SP3: variants seen among roughly 807,000 people sequenced by gnomAD.
SP3 encodes Sp3 transcription factor, also known as transcription factor Sp3.
Under a neutral mutation model 70.3 loss-of-function variants are expected in SP3, and 10 were observed. That is an observed-to-expected ratio of 0.14 (90% CI 0.09 to 0.24). The LOEUF (loss-of-function observed/expected upper bound fraction) is 0.24. Ranked by LOEUF, SP3 falls within the 10% of genes least tolerant of loss-of-function variation. The pLI is 1.00. For missense variants in SP3, 825 were observed against 914.6 expected (o/e 0.90, Z 1.26); for synonymous variants, 402 against 333.5 (o/e 1.21, Z -2.24).
chr2:173,926,967 G>A (rs566510271), intron 4 of SP3, among the ~76,000 whole-genome samples: 25 of 152,212 alleles, frequency 1.6e-4, no homozygotes, highest in Middle Eastern at 3.4e-3. Flanking sequence ...TGTATAGGAA[G>A]CATGATTCTG....
At position 173,905,586 on chromosome 2, in the gene SP3, AATC is replaced by A. The variant is rs1406864184; in HGVS notation, c.*4352_*4354del. ...GTATTTAATACAATGAAGTGGCATGAATCATGTTACATGACAATATACATGACA... is the reference window on the plus strand; with the variant it reads ...GTATTTAATACAATGAAGTGGCATGAATGTTACATGACAATATACATGACA... On this transcript the variant is annotated 3_prime_UTR_variant, in exon 7 of 7. Coordinates refer to ENST00000310015, the MANE Select transcript of SP3 (RefSeq NM_003111.5). Among the ~76,000 whole-genome samples the A allele has an allele frequency of 1.3e-5, 2 of 152,144 alleles. No individual in the cohort carries two copies. The highest frequency in any genetic ancestry group is 4.8e-5 in the African/African-American group (2 of 41,456).
rs778413257 is a variant in SP3 at position 173,955,771 on chromosome 2, A to G, written c.741T>C (p.Pro247=). Reference sequence around the variant, plus strand: ...CATTAGCAACTACTTGGGTTTGACCAGGAAAAGATGAACCACCAATTGCAA... The same window carrying G: ...CATTAGCAACTACTTGGGTTTGACCGGGAAAAGATGAACCACCAATTGCAA... ...QGVAIGGSSF[P]GQTQVVANVP... The change falls in exon 4 of 7, where the codon CCT becomes CCC. Residue 247 remains proline (P), a synonymous_variant. Transcript: ENST00000310015. The G allele has an allele frequency of 1.9e-6, 3 of 1,614,248 alleles. No individual in the cohort carries two copies. Among genetic ancestry groups the G allele is most frequent in the Middle Eastern group, 1.7e-4 (1 of 6,060 alleles).
rs376137738 is a variant in SP3 at position 173,904,918 on chromosome 2, T to C, written c.*5023A>G. Among the ~76,000 whole-genome samples the C allele has an allele frequency of 8.5e-5, 13 of 152,342 alleles. No homozygotes were observed. Among genetic ancestry groups the C allele is most frequent in the African/African-American group, 3.1e-4 (13 of 41,582 alleles). ...GGCCTTTCCTAATCTTAAAAACCAC[T>C]TCAGTGCTAGACTTTATCTTTCAGT... On this transcript the variant is annotated 3_prime_UTR_variant, in exon 7 of 7. Coordinates refer to ENST00000310015, the MANE Select transcript of SP3 (RefSeq NM_003111.5).
Position 173,918,735 on chromosome 2 carries a change from C to T in SP3, c.1690G>A (p.Gly564Ser). 1 of 1,613,418 alleles carries T rather than the reference C, an allele frequency of 6.2e-7. No individual in the cohort carries two copies. The highest frequency in any genetic ancestry group is 8.5e-7 in the Non-Finnish European group (1 of 1,179,636). Residue 564 changes from glycine to serine, a missense_variant, in exon 5 of 7, where the codon GGT becomes AGT. Physicochemically the swap from Gly to Ser is moderately conservative, Grantham distance 56. Around this residue, in one of 4 missense-constraint regions of SP3, gnomAD observed 678 missense variants for 651.6 expected, o/e 1.04. Transcript: ENST00000310015. The part of the protein sequence containing the change: ...EPDPEEWQLS[G>S]DSTLNTNDLT... ...TCATTGGTATTCAAGGTAGAATCAC[C>T]ACTGAGCTGCCACTCTTCAGGATCA...
chr2:173,910,220 G>A lies in SP3; in HGVS notation c.2067C>T (p.Arg689=), dbSNP rs201170496. 762 of 1,613,906 alleles carry A rather than the reference G, an allele frequency of 4.7e-4. No homozygotes were observed. Among genetic ancestry groups the A allele is most frequent in the Non-Finnish European group, 6.2e-4 (730 of 1,179,872 alleles). Residue 689 remains arginine (R), a synonymous_variant, in exon 7 of 7, where the codon CGC becomes CGT. Coordinates refer to ENST00000310015, the MANE Select transcript of SP3 (RefSeq NM_003111.5). ...KKFVCPECSK[R]FMRSDHLAKH... is the part of the protein sequence containing the mutation. ...TGGCAAGGTGGTCACTTCTCATAAAGCGTTTTGAACATTCTGGACAAACAA... is the reference window on the plus strand; with the variant it reads ...TGGCAAGGTGGTCACTTCTCATAAAACGTTTTGAACATTCTGGACAAACAA...
rs1469214423 is a variant in SP3, at chr2:173,903,125, A to AGT, written c.*6815_*6816insAC. On this transcript the variant is annotated 3_prime_UTR_variant, in exon 7 of 7. Coordinates refer to ENST00000310015, the MANE Select transcript of SP3 (RefSeq NM_003111.5). ...GTGACTTAACAAGGTGAATTAACTC[A>AGT]TTAATACAACAATAGTTGAAGACAA... 5.3e-5 allele frequency among the ~76,000 whole-genome samples: 8 copies of AGT among 152,374 alleles called. No homozygotes were observed. The highest frequency in any genetic ancestry group is 1.9e-4 in the African/African-American group (8 of 41,596).
intron 4 of SP3, among the ~76,000 whole-genome samples, chr2:173,932,009 C>T (rs1242759641): frequency 6.6e-6 from 1 of 152,194 alleles, no homozygotes; most frequent in Non-Finnish European, 1.5e-5. Flanking sequence ...AAGAACTTTT[C>T]CTTTGCATTC....
rs994126551 is a variant in SP3, at chr2:173,905,958, C to T, written c.*3983G>A. Among the ~76,000 whole-genome samples the T allele has an allele frequency of 6.6e-6, 1 of 152,122 alleles. No individual in the cohort carries two copies. Among genetic ancestry groups the T allele is most frequent in the Non-Finnish European group, 1.5e-5 (1 of 68,032 alleles). ...GAGTCTGCAGTAAGCCATGATTGCA[C>T]CACTGCACTGTGTGACAGAGACAGA... On this transcript the variant is annotated 3_prime_UTR_variant, in exon 7 of 7. Coordinates refer to ENST00000310015, the MANE Select transcript of SP3 (RefSeq NM_003111.5).
chr2:173,964,746 C>G, intron 1 of SP3, 193 bp from the exon 2 acceptor site: 1 of 417,692 alleles, frequency 2.4e-6, no homozygotes. Flanking sequence ...CCCGCCGCTG[C>G]CTGTAACCCT....
intron 4 of SP3, among the ~76,000 whole-genome samples, chr2:173,919,700 G>C (rs550352485): frequency 4.9e-4 from 75 of 152,258 alleles, no homozygotes; most frequent in African/African-American, 1.8e-3. Context: ...TTTTAAAACA[G>C]ACCGTACAGA....
chr2:173,954,845 T>C lies in SP3; in HGVS notation c.1639+28A>G, dbSNP rs779037195. The C allele has an allele frequency of 3.1e-6, 5 of 1,595,542 alleles. No individual in the cohort carries two copies. The South Asian group carries it at 3.3e-5, about 11-fold the overall frequency. On this transcript the variant is annotated intron_variant, in intron 4 of 6. Transcript: ENST00000310015. The stretch of plus-strand genomic sequence containing the variant: ...CTCTATGTATTATCACTGAACTTAT[T>C]TATGGCATGACATAACTTAAGACTC...
At chr2:173,936,628 TATAATCTAAA>T (rs1439846796) in intron 4 of SP3, among the ~76,000 whole-genome samples, 2 of 152,204 alleles carry the variant, frequency 1.3e-5, no homozygotes, top group Non-Finnish European at 2.9e-5. Flanking sequence ...AATACAGATG[TATAATCTAAA>T]AAAGAAAAAA....
intron 6 of SP3, 89 bp from the exon 7 acceptor site, chr2:173,910,346 C>T (rs1456055826): frequency 9.1e-7 from 1 of 1,100,954 alleles, no homozygotes; most frequent in Non-Finnish European, 1.3e-6. Flanking sequence ...TAAGTCAACG[C>T]TGACAGGTGA....
chr2:173,962,728 G>T (rs1019945120), intron 3 of SP3, among the ~76,000 whole-genome samples: 8 of 151,696 alleles, frequency 5.3e-5, no homozygotes, highest in Non-Finnish European at 8.8e-5. Context: ...AGTGACTATT[G>T]AAAGTATCAC....
chr2:173,944,377 T>C (rs1460737552), intron 4 of SP3, among the ~76,000 whole-genome samples: 1 of 151,802 alleles, frequency 6.6e-6, no homozygotes, highest in African/African-American at 2.4e-5. Context: ...CTAGAAAAAA[T>C]ACACAAGATT....
In SP3 at chr2:173,904,479, A is replaced by T. The variant is rs1266709507; in HGVS notation, c.*5462T>A. Among the ~76,000 whole-genome samples the T allele has an allele frequency of 6.7e-6, 1 of 149,748 alleles. No homozygotes were observed. The highest frequency in any genetic ancestry group is 1.5e-5 in the Non-Finnish European group (1 of 67,944). On this transcript the variant is annotated 3_prime_UTR_variant, in exon 7 of 7. Coordinates refer to ENST00000310015, the MANE Select transcript of SP3 (RefSeq NM_003111.5). ...TATCTTGTGGAACCCCAGGAGGATG[A>T]AATGCAGATAGTGAAATGCAAGACA...
intron 4 of SP3, among the ~76,000 whole-genome samples, chr2:173,923,978 AATTAT>A (rs1311371014): frequency 7.2e-5 from 11 of 152,112 alleles, no homozygotes; most frequent in Non-Finnish European, 1.5e-4. Context: ...GATAGTTCTA[AATTAT>A]AGATATGAGT....
intron 4 of SP3, among the ~76,000 whole-genome samples, chr2:173,941,053 T>G (rs895788564): frequency 6.6e-6 from 1 of 151,036 alleles, no homozygotes; most frequent in African/African-American, 2.4e-5. Context: ...TGTGGCGAGA[T>G]TCTTAGAAAA....
intron 5 of SP3, chr2:173,914,173 A>G (rs1489593235): frequency 1.9e-4 from 3 of 15,552 alleles, no homozygotes; most frequent in Non-Finnish European, 2.9e-4. Context: ...TTTTAAAATA[A>G]AAAAAAAAAT....
Sources: gnomAD v4.1 joint callset for allele counts (sites outside exome capture counted in the v4.1 genomes callset) on GRCh38, gnomAD v4.1.1 for gene constraint, gnomAD v4.1.1 regional missense constraint, MANE v1.5 for transcripts, NCBI Gene and HGNC (gene_info 2026-07-23, HGNC 2026-07-21) for gene names.